The following CBL variants were observed in gnomAD, a reference collection of about 807,000 sequenced individuals.
CBL encodes E3 ubiquitin-protein ligase CBL.
CBL carries 45 observed loss-of-function variants against 96.9 expected under a neutral mutation model. That is an observed-to-expected ratio of 0.46 (90% CI 0.37 to 0.60). The LOEUF is 0.60. Among genes scored for constraint, CBL ranks in the 20% least tolerant of loss-of-function variants. The pLI is 0.00. For missense variants in CBL, 1,024 were observed against 1,143.5 expected (o/e 0.90, Z 1.51); for synonymous variants, 420 against 426.8 (o/e 0.98, Z 0.20).
chr11:119,224,561 A>G (rs1949440304), intron 1 of CBL, among the ~76,000 whole-genome samples: 1 of 152,182 alleles, frequency 6.6e-6, no homozygotes, highest in South Asian at 2.1e-4. Flanking sequence ...CTTACAATAA[A>G]GTAAGCCAGA....
Position 119,306,873 on chromosome 11 carries a change from G to A in CBL, c.*7092G>A, listed in dbSNP as rs1950146828. ...CTCCTACGTCTGTTTTCTGGCTGTG[G>A]TGACTTGGGATTTTTAACCTTATAT... On this transcript the variant is annotated 3_prime_UTR_variant, in exon 16 of 16. Coordinates refer to ENST00000264033, the MANE Select transcript of CBL (RefSeq NM_005188.4). 2 of 231,908 alleles carry A rather than the reference G, an allele frequency of 8.6e-6. No homozygotes were observed. The highest frequency in any genetic ancestry group is 1.8e-4 in the South Asian group (1 of 5,512). 14.4% of individuals were successfully genotyped at this position (231,908 alleles called of 1,614,324 possible).
At chr11:119,232,372 A>T in intron 1 of CBL, 76 bp from the exon 2 acceptor site, 1 of 1,507,392 alleles carries the variant, frequency 6.6e-7, no homozygotes, top group South Asian at 1.1e-5. Context: ...CATATTTCAT[A>T]ACTTTCTTAA....
chr11:119,260,330 A>G (rs1213215499), intron 2 of CBL, among the ~76,000 whole-genome samples: 2 of 145,758 alleles, frequency 1.4e-5, no homozygotes, highest in African/African-American at 5.1e-5. Context: ...TGCAACCTCC[A>G]CCTCCTGGGT....
Position 119,299,882 on chromosome 11 carries a change from G to GAGGGC in CBL, c.*102_*103insGGGCA. On this transcript the variant is annotated 3_prime_UTR_variant, in exon 16 of 16. Coordinates refer to ENST00000264033, the MANE Select transcript of CBL (RefSeq NM_005188.4). ...GGAGTTCCTTTGGTGACTTCACAGT[G>GAGGGC]AAGTCTTGCCCTCTCTGTGGGATAT... 1 of 1,153,874 alleles carries GAGGGC rather than the reference G, an allele frequency of 8.7e-7. No homozygotes were observed. The highest frequency in any genetic ancestry group is 1.3e-6 in the Non-Finnish European group (1 of 773,024). The allele number at this position is 1,153,874 out of a possible 1,614,324, so 71.5% of individuals were successfully genotyped here.
chr11:119,258,397 A>G (rs1949727714), intron 2 of CBL, among the ~76,000 whole-genome samples: 1 of 152,160 alleles, frequency 6.6e-6, no homozygotes, highest in African/African-American at 2.4e-5. Flanking sequence ...CAGAGCAGGC[A>G]CCATGGCCCG....
chr11:119,243,170 T>A (rs1949600390), intron 2 of CBL, among the ~76,000 whole-genome samples: 1 of 151,996 alleles, frequency 6.6e-6, no homozygotes, highest in Non-Finnish European at 1.5e-5. Context: ...CCCAGCTACT[T>A]GGCAAGCTGA....
chr11:119,293,331 C>T (rs1359314048), intron 12 of CBL, among the ~76,000 whole-genome samples: 1 of 152,114 alleles, frequency 6.6e-6, no homozygotes, highest in Non-Finnish European at 1.5e-5. Context: ...TGGTCTTGAA[C>T]TCCTGACCTC....
At chr11:119,231,513 A>C (rs1949501513) in intron 1 of CBL, among the ~76,000 whole-genome samples, 1 of 151,962 alleles carries the variant, frequency 6.6e-6, no homozygotes, top group Non-Finnish European at 1.5e-5. Flanking sequence ...GTTTGAGACC[A>C]GGCTGACCAA....
Position 119,299,674 on chromosome 11 carries a change from C to A in CBL, c.2614C>A (p.Gln872Lys), listed in dbSNP as rs746795014. ...CCTCATGAGTCAGGGGTACTCCTAC[C>A]AGGACATCCAGAAAGCTTTGGTCAT... ...ENLMSQGYSY[Q>K]DIQKALVIAQ... The change falls in exon 16 of 16, where the codon CAG becomes AAG. Residue 872 changes from glutamine (Q) to lysine (K), a missense_variant. By Grantham distance (53) the Gln-to-Lys change is moderately conservative. Coordinates refer to ENST00000264033, the MANE Select transcript of CBL (RefSeq NM_005188.4). 115 of 1,614,074 alleles carry A rather than the reference C, an allele frequency of 7.1e-5. No homozygotes were observed. The highest frequency in any genetic ancestry group is 8.9e-5 in the Non-Finnish European group (105 of 1,180,028).
intron 1 of CBL, among the ~76,000 whole-genome samples, chr11:119,208,903 T>G (rs979539258): frequency 2.0e-5 from 3 of 152,198 alleles, no homozygotes; most frequent in African/African-American, 7.2e-5. Flanking sequence ...GACTCAAAGT[T>G]TAGACTCAAA....
At chr11:119,247,252 C>T (rs1949638582) in intron 2 of CBL, among the ~76,000 whole-genome samples, 1 of 152,168 alleles carries the variant, frequency 6.6e-6, no homozygotes, top group Non-Finnish European at 1.5e-5. Flanking sequence ...AAAGCCTTCC[C>T]TTTAAGATCA....
intron 6 of CBL, 148 bp downstream of exon 6, chr11:119,276,282 C>A: frequency 2.4e-6 from 2 of 835,718 alleles, no homozygotes; most frequent in Non-Finnish European, 3.9e-6. Context: ...ACCTTCAGGT[C>A]CTGGAAGACT....
chr11:119,209,940 A>G (rs1263670264), intron 1 of CBL, among the ~76,000 whole-genome samples: 1 of 152,230 alleles, frequency 6.6e-6, no homozygotes, highest in African/African-American at 2.4e-5. Flanking sequence ...AGTTAGACAG[A>G]GCCACTGGTT....
chr11:119,287,776 T>C, intron 11 of CBL, 76 bp from the exon 12 acceptor site: 2 of 946,026 alleles, frequency 2.1e-6, no homozygotes, highest in Non-Finnish European at 3.5e-6. Flanking sequence ...TATTGTTATT[T>C]TGAAAAGGTT....
intron 2 of CBL, among the ~76,000 whole-genome samples, chr11:119,250,421 T>G (rs568932950): frequency 3.9e-5 from 6 of 152,302 alleles, no homozygotes; most frequent in African/African-American, 1.4e-4. Context: ...CTGGGCTTTC[T>G]TTATGCATCT....
intron 1 of CBL, among the ~76,000 whole-genome samples, chr11:119,222,120 A>G (rs1949416663): frequency 6.6e-6 from 1 of 152,194 alleles, no homozygotes; most frequent in Admixed American, 6.6e-5. Context: ...AACATGGGAA[A>G]ACATTGAAAA....
intron 2 of CBL, among the ~76,000 whole-genome samples, chr11:119,266,453 T>A (rs1949803948): frequency 6.6e-6 from 1 of 152,214 alleles, no homozygotes; most frequent in Non-Finnish European, 1.5e-5. Flanking sequence ...CTATAGTTGC[T>A]CATTTAATTT....
intron 2 of CBL, among the ~76,000 whole-genome samples, chr11:119,242,312 G>A (rs1949592479): frequency 6.6e-6 from 1 of 152,014 alleles, no homozygotes; most frequent in African/African-American, 2.4e-5. Flanking sequence ...GGAGGCCAAG[G>A]CGTTGGATCA....
intron 2 of CBL, among the ~76,000 whole-genome samples, chr11:119,270,027 A>G (rs939134354): frequency 1.3e-5 from 2 of 152,148 alleles, no homozygotes; most frequent in Non-Finnish European, 2.9e-5. Flanking sequence ...GTACATTTAT[A>G]TGACAAGAAT....
Sources: allele counts gnomAD v4.1 joint callset (sites outside exome capture counted in the v4.1 genomes callset), GRCh38; gene constraint gnomAD v4.1.1; transcripts MANE v1.5; gene names NCBI Gene and HGNC (gene_info 2026-07-23, HGNC 2026-07-21).